ZNF385B: variants seen among roughly 807,000 people sequenced by gnomAD.
The protein encoded by ZNF385B is zinc finger protein 533.
A neutral mutation model predicts 39.2 loss-of-function variants in ZNF385B; 23 were observed. That is an observed-to-expected ratio of 0.59 (90% CI 0.42 to 0.83). ZNF385B has a LOEUF of 0.83. Ranked by LOEUF, ZNF385B falls within the 40% of genes least tolerant of loss-of-function variation. ZNF385B has a pLI of 0.00. For missense variants in ZNF385B, 552 were observed against 598.9 expected (o/e 0.92, Z 0.82); for synonymous variants, 205 against 222.6 (o/e 0.92, Z 0.70).
intron 4 of ZNF385B, among the ~76,000 whole-genome samples, chr2:179,530,312 C>T (rs528282538): frequency 3.9e-5 from 6 of 151,976 alleles, no homozygotes; most frequent in South Asian, 2.1e-4. Context: ...AAAAAGTATA[C>T]GAGTAACTGA....
intron 3 of ZNF385B, among the ~76,000 whole-genome samples, chr2:179,560,882 A>C (rs977502482): frequency 3.9e-5 from 6 of 152,232 alleles, no homozygotes; most frequent in Non-Finnish European, 1.5e-5. Context: ...GATTTAACAA[A>C]TTAGACCATA....
intron 3 of ZNF385B, among the ~76,000 whole-genome samples, chr2:179,749,192 C>T (rs959455423): frequency 6.6e-6 from 1 of 151,878 alleles, no homozygotes; most frequent in African/African-American, 2.4e-5. Flanking sequence ...AAAAAAGCTC[C>T]CTATACCTTT....
intron 3 of ZNF385B, among the ~76,000 whole-genome samples, chr2:179,558,585 G>A (rs977827811): frequency 6.6e-6 from 1 of 152,120 alleles, no homozygotes; most frequent in South Asian, 2.1e-4. Context: ...AGGTGCCCAT[G>A]TTAAAAATAA....
At chr2:179,614,396 A>G (rs872162) in intron 3 of ZNF385B, among the ~76,000 whole-genome samples, 61,083 of 152,008 alleles carry the variant, frequency 0.4, 12,474 homozygotes, top group East Asian at 0.56. Context: ...CTGAATCATA[A>G]ATGAATGAAT....
intron 4 of ZNF385B, among the ~76,000 whole-genome samples, chr2:179,525,825 A>G (rs2058850833): frequency 2.0e-5 from 3 of 152,154 alleles, no homozygotes; most frequent in Admixed American, 6.5e-5. Context: ...AAAGAGCAAT[A>G]TTTCTCTAAA....
At chr2:179,453,016 T>A (rs1441303344) in intron 6 of ZNF385B, among the ~76,000 whole-genome samples, 2 of 152,154 alleles carry the variant, frequency 1.3e-5, no homozygotes, top group Non-Finnish European at 2.9e-5. Context: ...CTCTACACTA[T>A]TTTTTACATA....
chr2:179,816,489 A>G (rs1179577633), intron 1 of ZNF385B, among the ~76,000 whole-genome samples: 1 of 152,224 alleles, frequency 6.6e-6, no homozygotes, highest in African/African-American at 2.4e-5. Flanking sequence ...ATGACTTCGT[A>G]TTTCACTTAG....
intron 3 of ZNF385B, among the ~76,000 whole-genome samples, chr2:179,558,543 A>G (rs2061107537): frequency 6.6e-6 from 1 of 152,196 alleles, no homozygotes. Context: ...TAGCTTAAAT[A>G]TTAACCAAAC....
intron 3 of ZNF385B, among the ~76,000 whole-genome samples, chr2:179,579,519 AC>A (rs34973167): frequency 0.014 from 2,183 of 152,192 alleles, 57 homozygotes; most frequent in Admixed American, 0.057. Flanking sequence ...CTGTTGCTTG[AC>A]CAGGCATGAA....
intron 3 of ZNF385B, among the ~76,000 whole-genome samples, chr2:179,709,004 G>A (rs1327653051): frequency 6.6e-6 from 1 of 152,192 alleles, no homozygotes; most frequent in East Asian, 1.9e-4. Context: ...TGATAAGAGA[G>A]GCGTTTGGCA....
At chr2:179,798,863 C>T (rs1189531044) in intron 1 of ZNF385B, among the ~76,000 whole-genome samples, 1 of 151,876 alleles carries the variant, frequency 6.6e-6, no homozygotes, top group Non-Finnish European at 1.5e-5. Context: ...TTATTTAAAA[C>T]ATTTATGTTG....
intron 1 of ZNF385B, among the ~76,000 whole-genome samples, chr2:179,779,461 A>G (rs1383173075): frequency 6.6e-6 from 1 of 152,242 alleles, no homozygotes; most frequent in African/African-American, 2.4e-5. Context: ...GGGAAAGTGC[A>G]GAAGTGCCTT....
intron 3 of ZNF385B, among the ~76,000 whole-genome samples, chr2:179,557,559 GTTATATATGTATGTTATATA>G (rs2061005536): frequency 2.0e-5 from 2 of 99,552 alleles, no homozygotes; most frequent in Non-Finnish European, 4.1e-5. Context: ...ATATATACAT[GTTATATATGTATGTTATATA>G]CATGTATATA....
At chr2:179,598,066 G>C (rs1337926116) in intron 3 of ZNF385B, among the ~76,000 whole-genome samples, 3 of 151,962 alleles carry the variant, frequency 2.0e-5, no homozygotes, top group Admixed American at 6.6e-5. Context: ...ACTAGTTTGT[G>C]GTTAGTAAAG....
chr2:179,486,369 T>A (rs1008005473), intron 5 of ZNF385B, among the ~76,000 whole-genome samples: 3 of 152,172 alleles, frequency 2.0e-5, no homozygotes, highest in Non-Finnish European at 4.4e-5. Flanking sequence ...GAAGCCATGG[T>A]AGATATAAAA....
chr2:179,524,581 A>G (rs918412808), intron 4 of ZNF385B, among the ~76,000 whole-genome samples: 173 of 146,316 alleles, frequency 1.2e-3, no homozygotes, highest in African/African-American at 4.2e-3. Context: ...AAAAAAAAAA[A>G]AAAAAAAAAT....
intron 3 of ZNF385B, among the ~76,000 whole-genome samples, chr2:179,684,501 G>A (rs1490901570): frequency 1.3e-5 from 2 of 152,146 alleles, no homozygotes; most frequent in Non-Finnish European, 2.9e-5. Context: ...TTAACAAAGA[G>A]GAAGGCATTT....
At chr2:179,593,057 T>C (rs1382525931) in intron 3 of ZNF385B, among the ~76,000 whole-genome samples, 1 of 152,156 alleles carries the variant, frequency 6.6e-6, no homozygotes, top group East Asian at 1.9e-4. Context: ...TTCCCCAGGA[T>C]TGAATAGAAT....
At chr2:179,716,305 T>C (rs1248996851) in intron 3 of ZNF385B, among the ~76,000 whole-genome samples, 1 of 152,200 alleles carries the variant, frequency 6.6e-6, no homozygotes. Flanking sequence ...TCATATTTTT[T>C]CATTCTTAAA....
Sources: allele counts gnomAD v4.1 joint callset (sites outside exome capture counted in the v4.1 genomes callset), GRCh38; gene constraint gnomAD v4.1.1; transcripts MANE v1.5; gene names NCBI Gene and HGNC (gene_info 2026-07-23, HGNC 2026-07-21).